The following ELOVL6 variants were observed in gnomAD, a reference collection of about 807,000 sequenced individuals.
ELOVL6 encodes ELOVL fatty acid elongase 6, also known as very long chain fatty acid elongase 6.
A neutral mutation model predicts 31.7 loss-of-function variants in ELOVL6; 8 were observed. The observed-to-expected ratio is 0.25, with a 90% confidence interval of 0.15 to 0.45. The LOEUF (loss-of-function observed/expected upper bound fraction) is 0.45, where lower values mean the gene tolerates loss of function less well. Among genes scored for constraint, ELOVL6 ranks in the 20% least tolerant of loss-of-function variants. The pLI is 1.00. For missense variants in ELOVL6, 126 were observed against 326.4 expected (o/e 0.39, Z 4.73); for synonymous variants, 101 against 117.7 (o/e 0.86, Z 0.92).
rs927921958 is a variant in ELOVL6 at position 110,057,893 on chromosome 4, T to G, written c.373+1710A>C. ...AAAAAAAATCACAAAACCCCAAGAG[T>G]AAAGAATACATGCTCACACTCTCAG... On this transcript the variant is annotated intron_variant, in intron 3 of 3. Coordinates refer to ENST00000302274, the MANE Select transcript of ELOVL6 (RefSeq NM_024090.3). Among the ~76,000 whole-genome samples, 3 of 141,536 alleles carry G rather than the reference T, an allele frequency of 2.1e-5. No individual in the cohort carries two copies. In the East Asian group the frequency reaches 6.1e-4, roughly 29 times the overall value. 92.9% of individuals were successfully genotyped at this position (141,536 alleles called of 152,430 possible).
chr4:110,150,687 T>C (rs1317453946), intron 1 of ELOVL6, among the ~76,000 whole-genome samples: 1 of 152,196 alleles, frequency 6.6e-6, no homozygotes, highest in Non-Finnish European at 1.5e-5. Context: ...GTATGATCCT[T>C]TCATTTCCAA....
At position 110,049,387 on chromosome 4, in the gene ELOVL6, C is replaced by T. The variant is rs1270338573; in HGVS notation, c.*1951G>A. 6.6e-6 allele frequency: 1 copy of T among 152,558 alleles called. No individual in the cohort carries two copies. Among genetic ancestry groups the T allele is most frequent in the Non-Finnish European group, 1.5e-5 (1 of 68,042 alleles). The allele number at this position is 152,558 out of a possible 1,614,324, so 9.5% of individuals were successfully genotyped here. A position where few individuals can be genotyped will look rare whatever the true frequency, so the allele number is the denominator to read the frequency against. On this transcript the variant is annotated 3_prime_UTR_variant, in exon 4 of 4. Coordinates refer to ENST00000302274, the MANE Select transcript of ELOVL6 (RefSeq NM_024090.3). ...TTGTTCACTGCTCAAACCATTCACA[C>T]AGAATGGAATAAAACTTTATTCTTT...
chr4:110,072,052 G>C (rs1221848747), intron 2 of ELOVL6, among the ~76,000 whole-genome samples: 1 of 152,214 alleles, frequency 6.6e-6, no homozygotes, highest in Non-Finnish European at 1.5e-5. Context: ...AGATCAGTGA[G>C]ACAGATATCA....
intron 1 of ELOVL6, among the ~76,000 whole-genome samples, chr4:110,186,818 AAAAAAT>A (rs1411678720): frequency 9.9e-6 from 1 of 101,184 alleles, no homozygotes; most frequent in African/African-American, 3.6e-5. Context: ...AAAAAAAAAA[AAAAAAT>A]ATATATATAT....
intron 2 of ELOVL6, among the ~76,000 whole-genome samples, chr4:110,080,624 C>T (rs888082821): frequency 6.6e-6 from 1 of 152,336 alleles, no homozygotes; most frequent in African/African-American, 2.4e-5. Context: ...GACAAACCCA[C>T]AGCCAATATC....
Position 110,058,289 on chromosome 4 carries a change from A to G in ELOVL6, c.373+1314T>C, listed in dbSNP as rs1053126932. On this transcript the variant is annotated intron_variant, in intron 3 of 3. Coordinates refer to ENST00000302274, the MANE Select transcript of ELOVL6 (RefSeq NM_024090.3). Reference sequence around the variant, plus strand: ...GTGTAGGCGTTTGTGTGTCTGTTGGAGGGGGGGAGCGGTGCAGGCATGCAC... The same window carrying G: ...GTGTAGGCGTTTGTGTGTCTGTTGGGGGGGGGGAGCGGTGCAGGCATGCAC... Among the ~76,000 whole-genome samples the G allele has an allele frequency of 2.6e-4, 35 of 136,702 alleles. 1 individual carries two copies. The Middle Eastern group carries it at 0.018, about 70-fold the overall frequency. 89.7% of individuals were successfully genotyped at this position (136,702 alleles called of 152,430 possible).
At position 110,083,978 on chromosome 4, in the gene ELOVL6, TGCC is replaced by T. The variant is rs1560813313; in HGVS notation, c.221+21516_221+21518del. ...TATATGATATATATGATATAACATA[TGCC>T]ATATACGATATATAACATATGCCAT... On this transcript the variant is annotated intron_variant, in intron 2 of 3. Transcript: ENST00000302274. Among the ~76,000 whole-genome samples the T allele has an allele frequency of 1.1e-4, 12 of 106,360 alleles. 1 individual carries two copies. The highest frequency in any genetic ancestry group is 2.5e-4 in the East Asian group (1 of 4,032). 69.8% of individuals were successfully genotyped at this position (106,360 alleles called of 152,430 possible).
intron 3 of ELOVL6, among the ~76,000 whole-genome samples, chr4:110,056,130 G>GC (rs1553953538): frequency 7.9e-6 from 1 of 126,456 alleles, no homozygotes. Flanking sequence ...GCTGGGGGGG[G>GC]GGATACAGTT....
intron 1 of ELOVL6, among the ~76,000 whole-genome samples, chr4:110,187,025 T>C (rs1206910038): frequency 1.3e-5 from 2 of 150,960 alleles, no homozygotes; most frequent in Non-Finnish European, 2.9e-5. Flanking sequence ...TGTCATGTAA[T>C]AGTTATTATA....
At chr4:110,067,173 AC>A (rs1755330283) in intron 2 of ELOVL6, among the ~76,000 whole-genome samples, 1 of 152,158 alleles carries the variant, frequency 6.6e-6, no homozygotes, top group African/African-American at 2.4e-5. Flanking sequence ...CTACTACTTA[AC>A]ACTTCAGAGT....
At chr4:110,167,773 C>A (rs1021459433) in intron 1 of ELOVL6, among the ~76,000 whole-genome samples, 4 of 152,042 alleles carry the variant, frequency 2.6e-5, no homozygotes, top group African/African-American at 9.7e-5. Flanking sequence ...TGGCCTCAAG[C>A]CATCCTCCCA....
Position 110,088,344 on chromosome 4 carries a change from C to T in ELOVL6, c.221+17153G>A, listed in dbSNP as rs116242671. On this transcript the variant is annotated intron_variant, in intron 2 of 3. Coordinates refer to ENST00000302274, the MANE Select transcript of ELOVL6 (RefSeq NM_024090.3). ...TTCCTTGGGCATACAGTACACTCCT[C>T]TTACCCAACGGGGACACATTCCAAG... Among the ~76,000 whole-genome samples the T allele has an allele frequency of 7.7e-3, 1,179 of 152,318 alleles. 12 individuals are homozygous for T. Among genetic ancestry groups the T allele is most frequent in the African/African-American group, 0.027 (1,107 of 41,578 alleles).
At chr4:110,179,552 A>G (rs928998387) in intron 1 of ELOVL6, among the ~76,000 whole-genome samples, 6 of 148,166 alleles carry the variant, frequency 4.0e-5, no homozygotes, top group African/African-American at 1.5e-4. Context: ...CAAATGAAAT[A>G]AAGAGAAAAC....
chr4:110,106,550 G>A (rs1427661745), intron 1 of ELOVL6, among the ~76,000 whole-genome samples: 8 of 152,132 alleles, frequency 5.3e-5, no homozygotes, highest in Non-Finnish European at 2.9e-5. Flanking sequence ...GTGTTGGTGG[G>A]AGTGTCTTTT....
At chr4:110,148,542 T>C (rs1292530734) in intron 1 of ELOVL6, among the ~76,000 whole-genome samples, 2 of 151,490 alleles carry the variant, frequency 1.3e-5, no homozygotes, top group South Asian at 2.1e-4. Context: ...CGTAAAAAAA[T>C]AGAAGGAATG....
In ELOVL6 at chr4:110,046,677, T is replaced by TA. The variant is rs1754704988; in HGVS notation, c.*4660dup. On this transcript the variant is annotated 3_prime_UTR_variant, in exon 4 of 4. Transcript: ENST00000302274. The stretch of plus-strand genomic sequence containing the variant: ...GCCTCTTTAGCTATGAGTTGTGCCA[T>TA]ATGGCTCGCAGATGTTTATAACTGG... 1.3e-5 allele frequency: 2 copies of TA among 152,204 alleles called. No individual in the cohort carries two copies. Among genetic ancestry groups the TA allele is most frequent in the Non-Finnish European group, 2.9e-5 (2 of 68,050 alleles). The allele number at this position is 152,204 out of a possible 1,614,324, so 9.4% of individuals were successfully genotyped here. A position where few individuals can be genotyped will look rare whatever the true frequency, so the allele number is the denominator to read the frequency against.
chr4:110,171,742 G>A (rs1053021616), intron 1 of ELOVL6, among the ~76,000 whole-genome samples: 1 of 138,356 alleles, frequency 7.2e-6, no homozygotes, highest in Admixed American at 7.8e-5. Context: ...TGTCCAGGCT[G>A]GAGTACAGTA....
chr4:110,094,392 T>C (rs1371924216), intron 2 of ELOVL6, among the ~76,000 whole-genome samples: 2 of 106,984 alleles, frequency 1.9e-5, no homozygotes, highest in Non-Finnish European at 3.7e-5. Context: ...GTTTCTATTT[T>C]ACTTAAAAAG....
chr4:110,085,112 CAAAG>C (rs1756212910), intron 2 of ELOVL6, among the ~76,000 whole-genome samples: 1 of 152,026 alleles, frequency 6.6e-6, no homozygotes, highest in South Asian at 2.1e-4. Context: ...GATGGGACAT[CAAAG>C]AAAGAAAATG....
Sources: allele counts gnomAD v4.1 joint callset (sites outside exome capture counted in the v4.1 genomes callset), GRCh38; gene constraint gnomAD v4.1.1; transcripts MANE v1.5; gene names NCBI Gene and HGNC (gene_info 2026-07-23, HGNC 2026-07-21).